Variants in ARHGEF26 observed in about 807,000 individuals in gnomAD.
ARHGEF26 encodes Rho guanine nucleotide exchange factor (GEF) 26.
ARHGEF26 carries 59 observed loss-of-function variants against 89.4 expected under a neutral mutation model. The observed-to-expected ratio is 0.66, with a 90% confidence interval of 0.54 to 0.82. ARHGEF26 has a LOEUF of 0.82. Among genes scored for constraint, ARHGEF26 ranks in the 40% least tolerant of loss-of-function variants. The probability of loss-of-function intolerance (pLI) is 0.00; values close to 1 mark genes in which losing one functional copy is unlikely to be tolerated. For missense variants in ARHGEF26, 1,234 were observed against 1,085.6 expected, an observed-to-expected ratio of 1.14 and a Z score of -1.92; for synonymous variants, 500 against 428.4, an observed-to-expected ratio of 1.17 and a Z score of -2.06.
intron 11 of ARHGEF26, among the ~76,000 whole-genome samples, chr3:154,231,654 G>GT (rs66789578): frequency 0.2 from 29,840 of 151,950 alleles, 3,260 homozygotes; most frequent in South Asian, 0.36. Context: ...ATATTTTATT[G>GT]TTTTTAAAAA....
At chr3:154,216,210 T>A (rs571950627) in intron 9 of ARHGEF26, among the ~76,000 whole-genome samples, 1 of 152,140 alleles carries the variant, frequency 6.6e-6, no homozygotes, top group East Asian at 1.9e-4. Context: ...CATTTGTTTT[T>A]ATGGCAAATG....
At chr3:154,187,209 A>G in intron 6 of ARHGEF26, 2 of 984,568 alleles carry the variant, frequency 2.0e-6, no homozygotes, top group Non-Finnish European at 2.4e-6. Context: ...TTATTTTTTA[A>G]GCATTTATTT....
At chr3:154,229,953 T>C (rs1292545257) in intron 11 of ARHGEF26, among the ~76,000 whole-genome samples, 2 of 152,200 alleles carry the variant, frequency 1.3e-5, no homozygotes, top group Non-Finnish European at 2.9e-5. Context: ...TGATAACTTA[T>C]TATAATAAAG....
At chr3:154,142,004 C>T (rs751423898) in intron 4 of ARHGEF26, among the ~76,000 whole-genome samples, 2 of 152,016 alleles carry the variant, frequency 1.3e-5, no homozygotes, top group African/African-American at 2.4e-5. Context: ...GAACCTAGAG[C>T]AGAAGACAAT....
At chr3:154,158,826 A>G (rs899156036) in intron 6 of ARHGEF26, among the ~76,000 whole-genome samples, 2 of 152,120 alleles carry the variant, frequency 1.3e-5, no homozygotes, top group African/African-American at 4.8e-5. Flanking sequence ...TACAAAATCT[A>G]CAAAAATCTA....
In ARHGEF26 at chr3:154,245,092, A is replaced by C. The variant is rs558050397; in HGVS notation, c.2300+4513A>C. Among the ~76,000 whole-genome samples, 7 of 152,294 alleles carry C rather than the reference A, an allele frequency of 4.6e-5. No homozygotes were observed. In the South Asian group the frequency reaches 1.5e-3, roughly 32 times the overall value. On this transcript the variant is annotated intron_variant, in intron 12 of 14. Coordinates refer to ENST00000465093, the MANE Select transcript of ARHGEF26 (RefSeq NM_015595.4). ...GCCGGGGCTGGAGTGCAGTGGCACG[A>C]TCTCGGCTCACTGCAACCTCCCCTT...
At chr3:154,219,831 A>G (rs533169486) in intron 10 of ARHGEF26, among the ~76,000 whole-genome samples, 1 of 151,412 alleles carries the variant, frequency 6.6e-6, no homozygotes, top group Admixed American at 6.6e-5. Flanking sequence ...GGAGAATGGC[A>G]TGAACCCGGG....
At position 154,233,525 on chromosome 3, in the gene ARHGEF26, C is replaced by T. The variant is rs371946880; in HGVS notation, c.2091-6845C>T. Among the ~76,000 whole-genome samples, 15 of 152,254 alleles carry T rather than the reference C, an allele frequency of 9.9e-5. 2 individuals carry two copies. The highest frequency in any genetic ancestry group is 2.0e-4 in the Admixed American group (3 of 15,294). ...AGAATTTCCTTTGATCTCATAAACC[C>T]CATTAACTCCTGTGTATCAGTGCTA... On this transcript the variant is annotated intron_variant, in intron 11 of 14. Transcript: ENST00000465093.
At chr3:154,226,252 A>T (rs1198759839) in intron 11 of ARHGEF26, among the ~76,000 whole-genome samples, 3 of 152,194 alleles carry the variant, frequency 2.0e-5, no homozygotes, top group Admixed American at 6.5e-5. Flanking sequence ...AGCATTTTAC[A>T]CATTTATATC....
At chr3:154,250,411 A>G (rs937159189) in intron 12 of ARHGEF26, among the ~76,000 whole-genome samples, 1 of 152,174 alleles carries the variant, frequency 6.6e-6, no homozygotes, top group Admixed American at 6.5e-5. Context: ...ACTCAATTGA[A>G]AGTCTCAAAA....
At chr3:154,180,126 C>T (rs1713090213) in intron 6 of ARHGEF26, among the ~76,000 whole-genome samples, 1 of 152,174 alleles carries the variant, frequency 6.6e-6, no homozygotes, top group Non-Finnish European at 1.5e-5. Context: ...ATCCTCCTGC[C>T]TCCCTCTCTT....
rs986720729 is a variant in ARHGEF26 at position 154,228,332 on chromosome 3, T to A, written c.2090+2322T>A. ...TTGTATTTTTAGTAGAGATGGGGTT[T>A]CTCCATGTTTGTCAGGCTGGTCTAG... On this transcript the variant is annotated intron_variant, in intron 11 of 14. Coordinates refer to ENST00000465093, the MANE Select transcript of ARHGEF26 (RefSeq NM_015595.4). Among the ~76,000 whole-genome samples, 15 of 152,114 alleles carry A rather than the reference T, an allele frequency of 9.9e-5. No individual in the cohort carries two copies. The South Asian group carries it at 2.9e-3, about 29-fold the overall frequency.
intron 3 of ARHGEF26, 48 bp downstream of exon 3, chr3:154,124,497 A>G (rs1190890004): frequency 6.8e-7 from 1 of 1,477,246 alleles, no homozygotes; most frequent in Non-Finnish European, 9.0e-7. Flanking sequence ...AATGTGGAAT[A>G]CCAATTATAA....
At chr3:154,192,444 G>GT (rs2108189388) in intron 8 of ARHGEF26, among the ~76,000 whole-genome samples, 1 of 152,314 alleles carries the variant, frequency 6.6e-6, no homozygotes, top group Non-Finnish European at 1.5e-5. Context: ...TTTTGGAGAC[G>GT]TTTTGTCAGG....
chr3:154,125,714 A>AT (rs1348841188), intron 3 of ARHGEF26, among the ~76,000 whole-genome samples: 1 of 152,104 alleles, frequency 6.6e-6, no homozygotes, highest in East Asian at 1.9e-4. Flanking sequence ...GTTTTACGTT[A>AT]TTTCCTTTTA....
At chr3:154,151,451 C>T (rs1421641875) in intron 5 of ARHGEF26, among the ~76,000 whole-genome samples, 2 of 152,098 alleles carry the variant, frequency 1.3e-5, no homozygotes, top group Admixed American at 6.6e-5. Context: ...TCCAAGGCAT[C>T]GTATACATCA....
intron 3 of ARHGEF26, among the ~76,000 whole-genome samples, chr3:154,124,748 C>G (rs565432805): frequency 6.6e-6 from 1 of 152,258 alleles, no homozygotes; most frequent in East Asian, 1.9e-4. Flanking sequence ...AGAGCAAGAT[C>G]TAGCTTTTTA....
At chr3:154,167,679 A>G (rs1712131827) in intron 6 of ARHGEF26, among the ~76,000 whole-genome samples, 1 of 152,208 alleles carries the variant, frequency 6.6e-6, no homozygotes, top group South Asian at 2.1e-4. Context: ...AGAAAAACAG[A>G]GCCTGGATTA....
rs986318624 is a variant in ARHGEF26, at chr3:154,256,751, A to G, written c.*1278A>G. On this transcript the variant is annotated 3_prime_UTR_variant, in exon 15 of 15. Coordinates refer to ENST00000465093, the MANE Select transcript of ARHGEF26 (RefSeq NM_015595.4). ...TACCAAGAAGTCAGCATGGTACCCA[A>G]TTGAAACCTTTTGACCTTAGTGGGA... The G allele has an allele frequency of 3.7e-5, 53 of 1,426,350 alleles. No homozygotes were observed. The highest frequency in any genetic ancestry group is 2.7e-4 in the South Asian group (17 of 62,592). The allele number at this position is 1,426,350 out of a possible 1,614,324, so 88.4% of individuals were successfully genotyped here.
Sources: gnomAD v4.1 joint callset for allele counts (sites outside exome capture counted in the v4.1 genomes callset) on GRCh38, gnomAD v4.1.1 for gene constraint, MANE v1.5 for transcripts, NCBI Gene and HGNC (gene_info 2026-07-23, HGNC 2026-07-21) for gene names.